The following PIK3C2G variants were observed in gnomAD, a reference collection of about 807,000 sequenced individuals.
PIK3C2G encodes the protein phosphatidylinositol 3-kinase C2 domain-containing subunit gamma.
A neutral mutation model predicts 181.1 loss-of-function variants in PIK3C2G; 168 were observed. That is an observed-to-expected ratio of 0.93 (90% CI 0.82 to 1.05). The LOEUF is 1.05. PIK3C2G is among the 50% of genes least tolerant of loss of function. The pLI is 0.00. For synonymous variants in PIK3C2G, 573 were observed against 592.2 expected (o/e 0.97, Z 0.47); for missense variants, 1,869 against 1,732.8 (o/e 1.08, Z -1.40).
chr12:18,305,032 G>C (rs1475713436), intron 5 of PIK3C2G, among the ~76,000 whole-genome samples: 2 of 152,182 alleles, frequency 1.3e-5, no homozygotes, highest in African/African-American at 4.8e-5. Context: ...CATTCAATTA[G>C]AGTTTCTTGA....
At chr12:18,254,986 T>A (rs1948129773) in intron 1 of PIK3C2G, among the ~76,000 whole-genome samples, 1 of 151,928 alleles carries the variant, frequency 6.6e-6, no homozygotes, top group Non-Finnish European at 1.5e-5. Context: ...CCCAGCACTT[T>A]GGGAGGCTGA....
At chr12:18,656,871 G>C in the PIK3C2G span, among the ~76,000 whole-genome samples, 1 of 152,320 alleles carries the variant, frequency 6.6e-6, no homozygotes, top group East Asian at 1.9e-4. Context: ...CAAGAAAAGA[G>C]AGTTAAATTT....
intron 30 of PIK3C2G, among the ~76,000 whole-genome samples, chr12:18,601,946 G>C (rs570714624): frequency 1.3e-5 from 2 of 152,238 alleles, no homozygotes; most frequent in East Asian, 3.9e-4. Context: ...ATCCATCAGT[G>C]GGGTGGCCAG....
At chr12:18,549,633 T>G (rs954383625) in intron 26 of PIK3C2G, among the ~76,000 whole-genome samples, 3 of 152,088 alleles carry the variant, frequency 2.0e-5, no homozygotes, top group Admixed American at 1.3e-4. Flanking sequence ...GACCACAGTC[T>G]TCTCAAGGTT....
intron 29 of PIK3C2G, among the ~76,000 whole-genome samples, chr12:18,584,249 C>T (rs2136439503): frequency 6.6e-6 from 1 of 151,994 alleles, no homozygotes; most frequent in Middle Eastern, 3.4e-3. Context: ...TCTCGATCTC[C>T]TGATCTCATG....
intron 31 of PIK3C2G, among the ~76,000 whole-genome samples, chr12:18,631,204 GACA>G (rs1165361218): frequency 4.6e-5 from 7 of 152,260 alleles, no homozygotes; most frequent in African/African-American, 1.7e-4. Context: ...CTGTTGATAA[GACA>G]ACAACATTGG....
chr12:18,557,155 CT>C (rs1401132437), intron 26 of PIK3C2G, among the ~76,000 whole-genome samples: 2 of 152,006 alleles, frequency 1.3e-5, no homozygotes, highest in African/African-American at 4.8e-5. Flanking sequence ...AAGCATCATA[CT>C]TTCAAAAGTT....
At chr12:18,698,173 A>T in the PIK3C2G span, among the ~76,000 whole-genome samples, 1 of 151,914 alleles carries the variant, frequency 6.6e-6, no homozygotes, top group Non-Finnish European at 1.5e-5. Context: ...TTTACAATCC[A>T]ACTCACATGC....
At chr12:18,677,970 A>G in the PIK3C2G span, among the ~76,000 whole-genome samples, 25 of 152,082 alleles carry the variant, frequency 1.6e-4, no homozygotes, top group Non-Finnish European at 3.1e-4. Flanking sequence ...ATGTATTTCA[A>G]TCAAGAGAGT....
At chr12:18,355,445 T>C (rs1465411474) in intron 11 of PIK3C2G, among the ~76,000 whole-genome samples, 1 of 152,240 alleles carries the variant, frequency 6.6e-6, no homozygotes, top group Non-Finnish European at 1.5e-5. Flanking sequence ...AATAGGTTAC[T>C]TTAATCATTG....
At chr12:18,567,582 C>T (rs1175913223) in intron 29 of PIK3C2G, among the ~76,000 whole-genome samples, 1 of 151,656 alleles carries the variant, frequency 6.6e-6, no homozygotes, top group African/African-American at 2.4e-5. Flanking sequence ...CCGTGAAGTG[C>T]TCTAGAGTTT....
chr12:18,275,198 G>A (rs1311295748), intron 1 of PIK3C2G, among the ~76,000 whole-genome samples: 3 of 152,040 alleles, frequency 2.0e-5, no homozygotes, highest in African/African-American at 4.8e-5. Context: ...CTGTCACAAG[G>A]TGTTGCTGCC....
intron 22 of PIK3C2G, among the ~76,000 whole-genome samples, chr12:18,502,082 C>T (rs1941530255): frequency 6.6e-6 from 1 of 152,222 alleles, no homozygotes; most frequent in Non-Finnish European, 1.5e-5. Context: ...CAGCCAAATA[C>T]TATTAGGAGA....
In PIK3C2G at chr12:18,322,926, G is replaced by A. The variant is rs527425165; in HGVS notation, c.1208+1894G>A. 3.6e-4 allele frequency among the ~76,000 whole-genome samples: 55 copies of A among 152,212 alleles called. No homozygotes were observed. In the Middle Eastern group the frequency reaches 0.017, roughly 47 times the overall value. ...AAATAAATCTACCCAGGGGTGGGGG[G>A]AACAGAGAGAAAGGGAGAGAAACAC... On this transcript the variant is annotated intron_variant, in intron 7 of 32. Coordinates refer to ENST00000538779, the MANE Select transcript of PIK3C2G (RefSeq NM_001288772.2).
At chr12:18,423,639 A>G (rs999298640) in intron 17 of PIK3C2G, among the ~76,000 whole-genome samples, 1 of 152,164 alleles carries the variant, frequency 6.6e-6, no homozygotes, top group African/African-American at 2.4e-5. Flanking sequence ...ATTGTATTTA[A>G]TAATCCAGGA....
intron 8 of PIK3C2G, among the ~76,000 whole-genome samples, chr12:18,335,137 G>A (rs182736145): frequency 5.8e-4 from 89 of 152,186 alleles, no homozygotes; most frequent in African/African-American, 2.1e-3. Context: ...AGTAGGCATA[G>A]TTTTTCTTCT....
At chr12:18,503,935 G>A (rs952734548) in intron 23 of PIK3C2G, among the ~76,000 whole-genome samples, 2 of 152,142 alleles carry the variant, frequency 1.3e-5, no homozygotes, top group Admixed American at 1.3e-4. Flanking sequence ...GTACAGTTGT[G>A]CAGGTTCTGC....
chr12:18,511,928 C>T (rs1017122723), intron 24 of PIK3C2G, among the ~76,000 whole-genome samples: 1 of 151,974 alleles, frequency 6.6e-6, no homozygotes, highest in African/African-American at 2.4e-5. Context: ...ATGTCTTCTT[C>T]TAGCAGTTTT....
chr12:18,314,579 C>T (rs1433118141), intron 6 of PIK3C2G: 1 of 152,244 alleles, frequency 6.6e-6, no homozygotes, highest in East Asian at 1.9e-4. Flanking sequence ...GGCTCTGACC[C>T]TGATTATAAA....
Sources: allele counts gnomAD v4.1 joint callset (sites outside exome capture counted in the v4.1 genomes callset), GRCh38; gene constraint gnomAD v4.1.1; transcripts MANE v1.5; gene names NCBI Gene and HGNC (gene_info 2026-07-23, HGNC 2026-07-21).